Variants in KCNAB1 observed in about 807,000 individuals in gnomAD.
The protein encoded by KCNAB1 is voltage-gated potassium channel subunit beta-1.
A neutral mutation model predicts 64.6 loss-of-function variants in KCNAB1; 35 were observed. That is an observed-to-expected ratio of 0.54 (90% confidence interval 0.41 to 0.72). The LOEUF (loss-of-function observed/expected upper bound fraction) is 0.72. KCNAB1 is among the 30% of genes least tolerant of loss of function. The pLI is 0.00. For synonymous variants in KCNAB1, 177 were observed against 183.8 expected (o/e 0.96, Z 0.30); for missense variants, 401 against 512.9 (o/e 0.78, Z 2.11).
intron 2 of KCNAB1, among the ~76,000 whole-genome samples, chr3:156,429,066 T>C (rs1437234745): frequency 6.6e-6 from 1 of 152,240 alleles, no homozygotes; most frequent in Admixed American, 6.5e-5. Context: ...GGCTGCACAT[T>C]GAAGTTACCT....
chr3:156,514,421 C>T lies in KCNAB1; in HGVS notation c.716C>T (p.Thr239Ile). The T allele has an allele frequency of 6.2e-7, 1 of 1,613,928 alleles. No homozygotes were observed. The highest frequency in any genetic ancestry group is 8.5e-7 in the Non-Finnish European group (1 of 1,179,828). Reference sequence around the variant, plus strand: ...CAAGGCATGGCGATGTACTGGGGCACCTCGAGATGGAGTGCTATGGAGATC... The same window carrying T: ...CAAGGCATGGCGATGTACTGGGGCATCTCGAGATGGAGTGCTATGGAGATC... ...INQGMAMYWGTSRWSAMEIME... is the reference protein window; with the variant it reads ...INQGMAMYWGISRWSAMEIME... Residue 239 changes from threonine (T) to isoleucine (I), a missense_variant, in exon 9 of 14, where the codon ACC becomes ATC. Coordinates refer to ENST00000490337, the MANE Select transcript of KCNAB1 (RefSeq NM_172160.3).
Position 156,537,957 on chromosome 3 carries a change from T to G in KCNAB1, c.*1210T>G, listed in dbSNP as rs1719169992. On this transcript the variant is annotated 3_prime_UTR_variant, in exon 14 of 14. Coordinates refer to ENST00000490337, the MANE Select transcript of KCNAB1 (RefSeq NM_172160.3). ...AAGAACTTCTGGTTCTATAATCATATTATATGCACTAAACTATATGCATGA... is the reference window on the plus strand; with the variant it reads ...AAGAACTTCTGGTTCTATAATCATAGTATATGCACTAAACTATATGCATGA... 6.6e-6 allele frequency: 1 copy of G among 152,198 alleles called. No individual in the cohort carries two copies. The highest frequency in any genetic ancestry group is 1.5e-5 in the Non-Finnish European group (1 of 68,024). 9.4% of individuals were successfully genotyped at this position (152,198 alleles called of 1,614,324 possible).
intron 1 of KCNAB1, among the ~76,000 whole-genome samples, chr3:156,274,399 A>G (rs2108495795): frequency 6.6e-6 from 1 of 152,330 alleles, no homozygotes. Flanking sequence ...TTCCATTAGG[A>G]ACTTGTGACA....
Position 156,153,178 on chromosome 3 carries a change from G to A in KCNAB1, c.275+32292G>A, listed in dbSNP as rs566019048. Among the ~76,000 whole-genome samples the A allele has an allele frequency of 1.7e-4, 26 of 152,200 alleles. 2 individuals carry two copies. The South Asian group carries it at 5.4e-3, about 32-fold the overall frequency. On this transcript the variant is annotated intron_variant, in intron 1 of 13. Transcript: ENST00000490337. ...GACAAGCCGCTGGATATCAGTCACA[G>A]GGCACCACTTCACCAGGATCCATAG...
At chr3:156,424,292 G>A (rs1029024182) in intron 2 of KCNAB1, among the ~76,000 whole-genome samples, 15 of 152,162 alleles carry the variant, frequency 9.9e-5, no homozygotes, top group African/African-American at 1.7e-4. Flanking sequence ...GAGCTGGCAT[G>A]TGTGAAGGGG....
chr3:156,315,307 G>C (rs1340171347), intron 1 of KCNAB1, among the ~76,000 whole-genome samples: 2 of 140,342 alleles, frequency 1.4e-5, no homozygotes, highest in Non-Finnish European at 2.9e-5. Context: ...GGAGTACTGG[G>C]GTATAGGCTA....
chr3:156,332,327 C>G (rs1180119608), intron 1 of KCNAB1, among the ~76,000 whole-genome samples: 1 of 152,164 alleles, frequency 6.6e-6, no homozygotes, highest in East Asian at 1.9e-4. Flanking sequence ...GATCCCACCC[C>G]TTCACCAAAT....
intron 1 of KCNAB1, among the ~76,000 whole-genome samples, chr3:156,196,094 T>C (rs188296059): frequency 1.3e-5 from 2 of 152,328 alleles, no homozygotes; most frequent in Admixed American, 1.3e-4. Context: ...GTCACATGAT[T>C]GTAGATGTGT....
intron 1 of KCNAB1, among the ~76,000 whole-genome samples, chr3:156,285,561 G>T (rs529628375): frequency 6.6e-6 from 1 of 152,118 alleles, no homozygotes; most frequent in Admixed American, 6.5e-5. Flanking sequence ...GTGCAGTGGC[G>T]TGACTCTTGG....
intron 1 of KCNAB1, among the ~76,000 whole-genome samples, chr3:156,334,900 C>T (rs1297061001): frequency 3.3e-5 from 5 of 152,136 alleles, no homozygotes; most frequent in Non-Finnish European, 7.3e-5. Flanking sequence ...TGAATTTCCC[C>T]AACCTCAGGC....
intron 1 of KCNAB1, among the ~76,000 whole-genome samples, chr3:156,397,988 A>G (rs562384821): frequency 2.6e-5 from 4 of 152,324 alleles, no homozygotes; most frequent in African/African-American, 7.2e-5. Flanking sequence ...AATCAGGAAA[A>G]CCAGGCACCT....
At chr3:156,376,733 T>C (rs1403893023) in intron 1 of KCNAB1, among the ~76,000 whole-genome samples, 1 of 152,194 alleles carries the variant, frequency 6.6e-6, no homozygotes, top group African/African-American at 2.4e-5. Flanking sequence ...CAAGAGCTTA[T>C]GGAAAGGCTG....
At chr3:156,372,683 G>C (rs1306118249) in intron 1 of KCNAB1, among the ~76,000 whole-genome samples, 1 of 152,210 alleles carries the variant, frequency 6.6e-6, no homozygotes, top group Non-Finnish European at 1.5e-5. Context: ...GGGTTTGCCA[G>C]GTAGAGGAAG....
chr3:156,274,720 C>T (rs10222673), intron 1 of KCNAB1, among the ~76,000 whole-genome samples: 65,435 of 151,902 alleles, frequency 0.43, 15,627 homozygotes, highest in East Asian at 0.73. Flanking sequence ...ACAGATTTAT[C>T]GTGGTATAAT....
intron 1 of KCNAB1, among the ~76,000 whole-genome samples, chr3:156,281,573 C>T (rs572102792): frequency 1.2e-4 from 19 of 152,266 alleles, no homozygotes; most frequent in Admixed American, 2.0e-4. Flanking sequence ...TGGTAGAATT[C>T]GGCTGTGAGT....
chr3:156,291,429 G>A, intron 1 of KCNAB1: 1 of 1,008,122 alleles, frequency 9.9e-7, no homozygotes, highest in Non-Finnish European at 1.2e-6. Context: ...TGGTCCAGGG[G>A]ATGCTGGCGG....
intron 1 of KCNAB1, among the ~76,000 whole-genome samples, chr3:156,374,257 A>G (rs113458358): frequency 6.6e-5 from 10 of 152,320 alleles, no homozygotes; most frequent in African/African-American, 2.4e-4. Flanking sequence ...GGATGAATTT[A>G]CCTCAGAGAA....
intron 11 of KCNAB1, among the ~76,000 whole-genome samples, chr3:156,520,168 A>T (rs1040828456): frequency 1.3e-5 from 2 of 152,226 alleles, no homozygotes; most frequent in Non-Finnish European, 2.9e-5. Context: ...TAATTTGATG[A>T]GCCATAACAA....
intron 11 of KCNAB1, among the ~76,000 whole-genome samples, chr3:156,519,949 C>A (rs1458989073): frequency 1.3e-5 from 2 of 152,094 alleles, no homozygotes; most frequent in Non-Finnish European, 1.5e-5. Flanking sequence ...GGTTGTGCAC[C>A]ATCTTGTCAT....
Sources: allele counts gnomAD v4.1 joint callset (sites outside exome capture counted in the v4.1 genomes callset), GRCh38; gene constraint gnomAD v4.1.1; transcripts MANE v1.5; gene names NCBI Gene and HGNC (gene_info 2026-07-23, HGNC 2026-07-21).